CSMD1: variants seen among roughly 807,000 people sequenced by gnomAD.
The protein encoded by CSMD1 is CUB and Sushi multiple domains 1.
In CSMD1, 213 loss-of-function variants were observed where a neutral mutation model predicts 417.5. That is an observed-to-expected ratio of 0.51 (90% CI 0.46 to 0.57). CSMD1 has a LOEUF of 0.57. Among genes scored for constraint, CSMD1 ranks in the 20% least tolerant of loss-of-function variants. CSMD1 has a pLI of 0.00. For synonymous variants in CSMD1, 2,862 were observed against 1,736.8 expected (o/e 1.65, Z -16.11); for missense variants, 6,923 against 4,529.7 (o/e 1.53, Z -15.17).
At chr8:4,738,353 A>G (rs751690473) in intron 1 of CSMD1, among the ~76,000 whole-genome samples, 1 of 152,188 alleles carries the variant, frequency 6.6e-6, no homozygotes, top group Non-Finnish European at 1.5e-5. Flanking sequence ...GGCCTCAGAA[A>G]ACTTTCAATC....
At chr8:4,245,439 G>A (rs1370008494) in intron 3 of CSMD1, among the ~76,000 whole-genome samples, 1 of 152,106 alleles carries the variant, frequency 6.6e-6, no homozygotes, top group African/African-American at 2.4e-5. Flanking sequence ...AGGTTAGGTG[G>A]TGCTCAACAC....
At chr8:4,769,108 T>G (rs940200247) in intron 1 of CSMD1, among the ~76,000 whole-genome samples, 2 of 152,220 alleles carry the variant, frequency 1.3e-5, no homozygotes, top group African/African-American at 4.8e-5. Context: ...ACAGATCTGG[T>G]TCAAAATCTA....
chr8:3,562,153 C>T (rs2116866457), intron 10 of CSMD1, among the ~76,000 whole-genome samples: 1 of 151,726 alleles, frequency 6.6e-6, no homozygotes, highest in South Asian at 2.1e-4. Context: ...AAAAAATCCA[C>T]TGTAAATAAT....
rs143738629 is a variant in CSMD1 at position 4,415,016 on chromosome 8, G to A, written c.415+4937C>T. Among the ~76,000 whole-genome samples the A allele has an allele frequency of 8.5e-5, 13 of 152,282 alleles. No individual in the cohort carries two copies. The East Asian group carries it at 2.3e-3, about 27-fold the overall frequency. ...TGATAAATTGTCACATAGAAGCATA[G>A]GCAAGCAAAAATGCTATCCTTCGTT... On this transcript the variant is annotated intron_variant, in intron 3 of 69. Transcript: ENST00000635120.
intron 3 of CSMD1, among the ~76,000 whole-genome samples, chr8:4,121,814 G>C (rs988389690): frequency 6.6e-6 from 1 of 151,886 alleles, no homozygotes; most frequent in Non-Finnish European, 1.5e-5. Flanking sequence ...TTGTAACTTA[G>C]TTCCAAGGCT....
chr8:3,382,420 A>G (rs1003280922), intron 18 of CSMD1, among the ~76,000 whole-genome samples: 4 of 143,582 alleles, frequency 2.8e-5, no homozygotes, highest in African/African-American at 7.6e-5. Context: ...TATATAACAC[A>G]TAATATATTA....
At chr8:4,982,765 G>A (rs1486144573) in intron 1 of CSMD1, among the ~76,000 whole-genome samples, 2 of 152,010 alleles carry the variant, frequency 1.3e-5, no homozygotes, top group African/African-American at 4.8e-5. Flanking sequence ...CCCAAAGTTC[G>A]GCTTGGCTAT....
chr8:3,350,174 TATA>T lies in CSMD1; in HGVS notation c.3305-2016_3305-2014del, dbSNP rs1234863898. Among the ~76,000 whole-genome samples, 16 of 127,792 alleles carry T rather than the reference TATA, an allele frequency of 1.3e-4. 2 individuals carry two copies. Among genetic ancestry groups the T allele is most frequent in the East Asian group, 6.7e-4 (3 of 4,508 alleles). 83.8% of individuals were successfully genotyped at this position (127,792 alleles called of 152,430 possible). A position where few individuals can be genotyped will look rare whatever the true frequency, so the allele number is the denominator to read the frequency against. The stretch of plus-strand genomic sequence containing the variant: ...TTGTGTATGTGTGTGTTATAATACC[TATA>T]ATAACCTATAACTTGTGTATGTGTG... On this transcript the variant is annotated intron_variant, in intron 21 of 69. Coordinates refer to ENST00000635120, the MANE Select transcript of CSMD1 (RefSeq NM_033225.6).
intron 2 of CSMD1, among the ~76,000 whole-genome samples, chr8:4,542,557 G>T (rs904081812): frequency 6.6e-6 from 1 of 152,140 alleles, no homozygotes; most frequent in Non-Finnish European, 1.5e-5. Context: ...AAAGGGTGCT[G>T]TCATTTTTGC....
chr8:3,865,355 T>C (rs569058266), intron 5 of CSMD1, among the ~76,000 whole-genome samples: 180 of 152,308 alleles, frequency 1.2e-3, no homozygotes, highest in African/African-American at 4.0e-3. Context: ...CTTGCTGGTA[T>C]GAAACTGGGT....
intron 1 of CSMD1, among the ~76,000 whole-genome samples, chr8:4,917,719 C>A (rs1034326125): frequency 6.6e-6 from 1 of 152,058 alleles, no homozygotes; most frequent in Non-Finnish European, 1.5e-5. Context: ...CAGTGGGAAC[C>A]CTAGAATGTG....
At chr8:4,913,534 C>T (rs551375879) in intron 1 of CSMD1, among the ~76,000 whole-genome samples, 1 of 152,290 alleles carries the variant, frequency 6.6e-6, no homozygotes, top group South Asian at 2.1e-4. Context: ...GCCCTGCCCT[C>T]AAAGAGCTCT....
intron 3 of CSMD1, among the ~76,000 whole-genome samples, chr8:4,195,260 G>A (rs117266811): frequency 0.017 from 2,637 of 152,248 alleles, 35 homozygotes; most frequent in Non-Finnish European, 0.028. Flanking sequence ...TTAAGAGACA[G>A]GGTCTTGCTC....
chr8:4,004,394 G>C (rs934225874), intron 4 of CSMD1, among the ~76,000 whole-genome samples: 3 of 146,464 alleles, frequency 2.0e-5, no homozygotes, highest in Admixed American at 6.8e-5. Context: ...TGTTGTTTTT[G>C]TTTTAAAATA....
intron 1 of CSMD1, among the ~76,000 whole-genome samples, chr8:4,989,613 T>A (rs1017050272): frequency 6.6e-6 from 1 of 152,158 alleles, no homozygotes; most frequent in Admixed American, 6.5e-5. Flanking sequence ...CCAGAAGACA[T>A]ACAAAAGGCC....
At position 4,432,749 on chromosome 8, in the gene CSMD1, G is replaced by C. The variant is rs575720569; in HGVS notation, c.303-12684C>G. On this transcript the variant is annotated intron_variant, in intron 2 of 69. Coordinates refer to ENST00000635120, the MANE Select transcript of CSMD1 (RefSeq NM_033225.6). ...AGTTCACAGGAGATTTCAAACCAGG[G>C]CCATAGAGGAAATAAAAATATATGA... Among the ~76,000 whole-genome samples, 250 of 152,284 alleles carry C rather than the reference G, an allele frequency of 1.6e-3. 1 individual carries two copies. Among genetic ancestry groups the C allele is most frequent in the African/African-American group, 5.3e-3 (221 of 41,558 alleles).
At chr8:4,608,334 G>A (rs949022163) in intron 2 of CSMD1, among the ~76,000 whole-genome samples, 2 of 152,190 alleles carry the variant, frequency 1.3e-5, no homozygotes, top group African/African-American at 4.8e-5. Context: ...CAACTACCCT[G>A]ACCCAGGTAG....
rs934478196 is a variant in CSMD1, at chr8:4,062,906, TG to T, written c.416-30808del. ...GAAGAGTAAACTGCAGCAATATTAC[TG>T]ATCATTGCAAAAAAAAAAAATTCTT... On this transcript the variant is annotated intron_variant, in intron 3 of 69. Coordinates refer to ENST00000635120, the MANE Select transcript of CSMD1 (RefSeq NM_033225.6). 1.0e-4 allele frequency among the ~76,000 whole-genome samples: 13 copies of T among 125,368 alleles called. No individual in the cohort carries two copies. The East Asian group carries it at 2.0e-3, about 19-fold the overall frequency. 82.2% of individuals were successfully genotyped at this position (125,368 alleles called of 152,430 possible).
At chr8:4,705,923 G>A (rs1223851253) in intron 1 of CSMD1, among the ~76,000 whole-genome samples, 2 of 151,906 alleles carry the variant, frequency 1.3e-5, no homozygotes, top group African/African-American at 4.8e-5. Flanking sequence ...TATTGTTGGT[G>A]CTGCTTATTT....
Sources: allele counts gnomAD v4.1 joint callset (sites outside exome capture counted in the v4.1 genomes callset), GRCh38; gene constraint gnomAD v4.1.1; transcripts MANE v1.5; gene names NCBI Gene and HGNC (gene_info 2026-07-23, HGNC 2026-07-21).